MYH1: variants seen among roughly 807,000 people sequenced by gnomAD.
The protein encoded by MYH1 is myosin heavy chain 1.
MYH1 carries 214 observed loss-of-function variants against 225.6 expected under a neutral mutation model. The observed-to-expected ratio is 0.95, with a 90% CI of 0.85 to 1.06. MYH1 has a LOEUF of 1.06. MYH1 is among the 50% of genes least tolerant of loss of function. The pLI is 0.00. For missense variants in MYH1, 2,098 were observed against 2,344.2 expected (o/e 0.89, Z 2.17); for synonymous variants, 774 against 842.3 (o/e 0.92, Z 1.40).
chr17:10,497,190 T>C lies in MYH1; in HGVS notation c.4535A>G (p.Glu1512Gly). 12 of 1,610,138 alleles carry C rather than the reference T, an allele frequency of 7.5e-6. No individual in the cohort carries two copies. Among genetic ancestry groups the C allele is most frequent in the Non-Finnish European group, 9.3e-6 (11 of 1,179,176 alleles). ...AATCTGTTCAGTGAGATCAGAAATC[T>C]CCTCTGTTGGTGAACAAAAAATATA... ...LKRENKNLQQ[E>G]ISDLTEQIAE... Residue 1512 changes from glutamate (E) to glycine (G), a missense_variant, in exon 33 of 40, where the codon GAG (glutamate) becomes GGG (glycine). By Grantham distance (98) the Glu-to-Gly change is moderately conservative (BLOSUM62 -2). Transcript: ENST00000226207.
rs141481523 is a variant in MYH1 at position 10,492,491 on chromosome 17, G to A, written c.5745C>T (p.Asp1915=). ...GCTTGTTGACCTGGGACTCAGCAAT[G>A]TCAGCCCGTTCCTCGGCCTCCTCCA... ...HELEEAEERA[D]IAESQVNKLR... is the part of the protein sequence containing the mutation. The change falls in exon 40 of 40, where the codon GAC becomes GAT. Residue 1915 remains aspartate, a synonymous_variant. Transcript: ENST00000226207. The A allele has an allele frequency of 1.9e-6, 3 of 1,614,054 alleles. No homozygotes were observed. The highest frequency in any genetic ancestry group is 1.7e-6 in the Non-Finnish European group (2 of 1,180,016).
intron 39 of MYH1, 97 bp downstream of exon 39, chr17:10,494,257 G>A: frequency 8.2e-7 from 1 of 1,218,818 alleles, no homozygotes; most frequent in Non-Finnish European, 1.2e-6. Flanking sequence ...GTTTTCTTTT[G>A]ATCCTTCCTC....
At chr17:10,498,586 G>A (rs2073019591) in intron 30 of MYH1, 40 bp downstream of exon 30, 2 of 1,613,082 alleles carry the variant, frequency 1.2e-6, no homozygotes, top group Middle Eastern at 1.7e-4. Flanking sequence ...TTGGGAGCAA[G>A]GAAACTTATA....
At chr17:10,502,710 A>T in intron 24 of MYH1, 28 bp downstream of exon 24, 1 of 1,614,046 alleles carries the variant, frequency 6.2e-7, no homozygotes, top group East Asian at 2.2e-5. Context: ...AAATTTAAAA[A>T]ATCATTTTTA....
At position 10,508,427 on chromosome 17, in the gene MYH1, C is replaced by T. The variant is rs1230305590; in HGVS notation, c.1833G>A (p.Leu611=). 1.9e-6 allele frequency: 3 copies of T among 1,614,086 alleles called. No individual in the cohort carries two copies. The South Asian group carries it at 3.3e-5, about 18-fold the overall frequency. The change falls in exon 16 of 40, where the codon CTG becomes CTA. Residue 611 remains leucine, a synonymous_variant. Transcript: ENST00000226207. Reference sequence around the variant, plus strand: ...GAGTCTTCATTGCAGACTTCTGGTACAGCCCCACCACAGTCTCATTCAGGG... The same window carrying T: ...GAGTCTTCATTGCAGACTTCTGGTATAGCCCCACCACAGTCTCATTCAGGG... ...KDPLNETVVG[L]YQKSAMKTLA...
chr17:10,507,885 C>T lies in MYH1; in HGVS notation c.1968+1G>A. The T allele has an allele frequency of 6.2e-7, 1 of 1,611,856 alleles. No individual in the cohort carries two copies. The highest frequency in any genetic ancestry group is 8.5e-7 in the Non-Finnish European group (1 of 1,178,152). On this transcript the variant is annotated splice_donor_variant, in intron 17 of 39. Coordinates refer to ENST00000226207, the MANE Select transcript of MYH1 (RefSeq NM_005963.4). LOFTEE classifies it high-confidence loss of function. ...TTAGACAGAGAAAATGAAGTTTGTACCCTGAAGAGAGCAGACACAGTCTGG... is the reference window on the plus strand; with the variant it reads ...TTAGACAGAGAAAATGAAGTTTGTATCCTGAAGAGAGCAGACACAGTCTGG...
chr17:10,513,571 C>T, intron 9 of MYH1, 55 bp downstream of exon 9: 2 of 1,557,762 alleles, frequency 1.3e-6, no homozygotes, highest in Non-Finnish European at 1.8e-6. Context: ...CAAAGTGTTC[C>T]TCCAAACCAA....
intron 30 of MYH1, 148 bp downstream of exon 30, chr17:10,498,478 C>T (rs1231779691): frequency 2.7e-6 from 3 of 1,103,562 alleles, no homozygotes; most frequent in Non-Finnish European, 3.8e-6. Context: ...TCGAGAACTC[C>T]TCTCAGAATC....
intron 15 of MYH1, among the ~76,000 whole-genome samples, chr17:10,509,030 A>G (rs931622303): frequency 1.3e-5 from 2 of 152,156 alleles, no homozygotes; most frequent in African/African-American, 4.8e-5. Flanking sequence ...GTTTCATCCT[A>G]CACTTACCAG....
chr17:10,507,531 A>G (rs1438223826), intron 17 of MYH1, among the ~76,000 whole-genome samples: 1 of 152,204 alleles, frequency 6.6e-6, no homozygotes, highest in Admixed American at 6.5e-5. Flanking sequence ...AGGCTCCCAA[A>G]GCCTCAAGCA....
chr17:10,508,982 C>G (rs2073145830), intron 15 of MYH1, among the ~76,000 whole-genome samples: 1 of 152,152 alleles, frequency 6.6e-6, no homozygotes, highest in South Asian at 2.1e-4. Context: ...TGCGAATTAG[C>G]TGCATCAGAA....
In MYH1 at chr17:10,512,686, T is replaced by C; in HGVS notation, c.1003A>G (p.Thr335Ala). ...AAAATTCATGTATAACTTACATCTG[T>C]AGCCATCAACTCTTCTTGGTCATCA... ...SIDDQEELMA[T>A]DSAIEILGFT... The change falls in exon 11 of 40, where the codon ACA (threonine) becomes GCA (alanine). Residue 335 changes from threonine to alanine, a missense_variant. Physicochemically the swap from Thr to Ala is moderately conservative, Grantham distance 58 (BLOSUM62 0). Transcript: ENST00000226207. 6.2e-7 allele frequency: 1 copy of C among 1,613,652 alleles called. No individual in the cohort carries two copies. The highest frequency in any genetic ancestry group is 1.1e-5 in the South Asian group (1 of 91,078).
At chr17:10,507,826 A>T in intron 17 of MYH1, 60 bp downstream of exon 17, 1 of 1,451,570 alleles carries the variant, frequency 6.9e-7, no homozygotes, top group Non-Finnish European at 9.6e-7. Flanking sequence ...TTTTTCCCCC[A>T]CACCATAGAG....
intron 9 of MYH1, among the ~76,000 whole-genome samples, 157 bp from the exon 10 acceptor site, chr17:10,513,122 A>G (rs1274871784): frequency 6.6e-6 from 1 of 152,164 alleles, no homozygotes; most frequent in Admixed American, 6.5e-5. Flanking sequence ...TACAAACACT[A>G]TTGCAGTTCC....
intron 17 of MYH1, among the ~76,000 whole-genome samples, chr17:10,507,345 G>C (rs1052471085): frequency 1.3e-5 from 2 of 152,172 alleles, no homozygotes; most frequent in Non-Finnish European, 2.9e-5. Context: ...TTACAGGCGT[G>C]AGCAACTGTG....
chr17:10,509,206 TA>T (rs1369287795), intron 15 of MYH1, among the ~76,000 whole-genome samples: 1 of 152,032 alleles, frequency 6.6e-6, no homozygotes, highest in Non-Finnish European at 1.5e-5. Context: ...AAACAGTAAG[TA>T]AAAAATATTC....
At chr17:10,494,294 T>C in intron 39 of MYH1, 60 bp downstream of exon 39, 1 of 1,475,428 alleles carries the variant, frequency 6.8e-7, no homozygotes, top group Non-Finnish European at 9.3e-7. Context: ...CTTTTGTCAC[T>C]TTAACTAAAC....
chr17:10,501,302 C>T lies in MYH1; in HGVS notation c.3546G>A (p.Leu1182=), dbSNP rs1473143165. ...CTTCATGCTGTAGGGTGGCCTCCTCCAGGTCCCTGCGCATTTTCTGGAACT... is the reference window on the plus strand; with the variant it reads ...CTTCATGCTGTAGGGTGGCCTCCTCTAGGTCCCTGCGCATTTTCTGGAACT... ...EAEFQKMRRD[L]EEATLQHEAT... Residue 1182 remains leucine (L), a synonymous_variant, in exon 27 of 40, where the codon CTG becomes CTA. Transcript: ENST00000226207. 1 of 1,614,244 alleles carries T rather than the reference C, an allele frequency of 6.2e-7. No homozygotes were observed. The highest frequency in any genetic ancestry group is 1.7e-5 in the Admixed American group (1 of 60,030).
At chr17:10,511,380 A>C (rs1048940371) in intron 14 of MYH1, among the ~76,000 whole-genome samples, 1 of 152,146 alleles carries the variant, frequency 6.6e-6, no homozygotes, top group Admixed American at 6.6e-5. Context: ...TCTTTCTTTT[A>C]AAGACTTTGT....
Sources: allele counts gnomAD v4.1 joint callset (sites outside exome capture counted in the v4.1 genomes callset), GRCh38; gene constraint gnomAD v4.1.1; transcripts MANE v1.5; gene names NCBI Gene and HGNC (gene_info 2026-07-23, HGNC 2026-07-21).